Variants in PGBD2 observed in about 807,000 individuals in gnomAD.
PGBD2 encodes the protein piggyBac transposable element-derived protein 2.
Under a neutral mutation model 8.1 loss-of-function variants are expected in PGBD2, and 6 were observed. That is an observed-to-expected ratio of 0.74 (90% CI 0.40 to 1.46). The LOEUF (loss-of-function observed/expected upper bound fraction) is 1.46, where lower values mean the gene tolerates loss of function less well. Among genes scored for constraint, PGBD2 ranks in the 40% most tolerant of loss-of-function variants. The pLI, the probability that PGBD2 is intolerant of heterozygous loss-of-function variation, is 0.02. For synonymous variants in PGBD2, 318 were observed against 272.2 expected, an observed-to-expected ratio of 1.17 and a Z score of -1.66; for missense variants, 802 against 739.0, an observed-to-expected ratio of 1.09 and a Z score of -0.99.
In PGBD2 at chr1:248,917,397, T is replaced by C. The variant is rs1192175997; in HGVS notation, c.813T>C (p.Ser271=). Residue 271 remains serine, a synonymous_variant, in exon 3 of 3, where the codon TCT becomes TCC. Coordinates refer to ENST00000329291, the MANE Select transcript of PGBD2 (RefSeq NM_170725.3). ...PLEEFYSFGE[S]MCEYFGHRGS... is the part of the protein sequence containing the mutation. ...AAGAGTTCTACAGCTTTGGCGAGTCTATGTGTGAGTACTTTGGGCACCGGG... is the reference window on the plus strand; with the variant it reads ...AAGAGTTCTACAGCTTTGGCGAGTCCATGTGTGAGTACTTTGGGCACCGGG... 2 of 1,613,992 alleles carry C rather than the reference T, an allele frequency of 1.2e-6. No individual in the cohort carries two copies. Among genetic ancestry groups the C allele is most frequent in the Admixed American group, 1.7e-5 (1 of 59,998 alleles).
chr1:248,879,017 T>G, the PGBD2 span, among the ~76,000 whole-genome samples: 1 of 152,236 alleles, frequency 6.6e-6, no homozygotes, highest in East Asian at 1.9e-4. Context: ...TTTACATTGC[T>G]CACAATTAGC....
At chr1:248,911,425 G>A (rs1234475838) in intron 1 of PGBD2, among the ~76,000 whole-genome samples, 1 of 149,444 alleles carries the variant, frequency 6.7e-6, no homozygotes, top group Non-Finnish European at 1.5e-5. Flanking sequence ...AGAGAGCACA[G>A]GGTTGGGGGT....
At chr1:248,889,541 C>A in the PGBD2 span, among the ~76,000 whole-genome samples, 9 of 152,166 alleles carry the variant, frequency 5.9e-5, no homozygotes, top group African/African-American at 2.2e-4. Context: ...ACAAACACTG[C>A]AAGCTCCCTT....
At chr1:248,873,860 G>A in the PGBD2 span, among the ~76,000 whole-genome samples, 14 of 152,194 alleles carry the variant, frequency 9.2e-5, no homozygotes, top group Admixed American at 5.2e-4. Context: ...CGAGTGTCAG[G>A]ATGGCCGAGT....
chr1:248,907,470 A>G (rs765066324), intron 1 of PGBD2, among the ~76,000 whole-genome samples: 21 of 152,320 alleles, frequency 1.4e-4, no homozygotes, highest in Middle Eastern at 6.8e-3. Context: ...AATCCACCTC[A>G]GCACAGACGG....
chr1:248,920,683 G>T (rs1461379156), downstream of PGBD2, among the ~76,000 whole-genome samples: 2 of 152,118 alleles, frequency 1.3e-5, no homozygotes, highest in African/African-American at 4.8e-5. Flanking sequence ...TGGGTCAAAT[G>T]GTATTTCTAG....
chr1:248,908,567 G>A (rs188382647), intron 1 of PGBD2, among the ~76,000 whole-genome samples: 166 of 152,110 alleles, frequency 1.1e-3, no homozygotes, highest in African/African-American at 9.4e-4. Context: ...CCCTTTTGCC[G>A]TAGCCTTTTT....
the PGBD2 span, among the ~76,000 whole-genome samples, chr1:248,885,980 T>C: frequency 6.6e-6 from 1 of 152,184 alleles, no homozygotes; most frequent in Non-Finnish European, 1.5e-5. Context: ...ACCCTGTCAG[T>C]TTACTCCTCA....
intron 2 of PGBD2, among the ~76,000 whole-genome samples, chr1:248,916,401 T>TA (rs549517506): frequency 6.4e-4 from 95 of 148,548 alleles, no homozygotes; most frequent in African/African-American, 1.8e-3. Flanking sequence ...TGACTCCGTC[T>TA]AAAAAAAAAA....
the PGBD2 span, among the ~76,000 whole-genome samples, chr1:248,926,586 G>T: frequency 3.4e-4 from 52 of 152,290 alleles, no homozygotes. Flanking sequence ...CTGCATACCA[G>T]GTTCCAGAAA....
intron 2 of PGBD2, chr1:248,914,440 G>A (rs1662019328): frequency 7.8e-7 from 1 of 1,278,200 alleles, no homozygotes. Context: ...CCCATGCAGA[G>A]CTTGGATGAG....
At chr1:248,922,454 C>G (rs924371711), downstream of PGBD2, among the ~76,000 whole-genome samples, 1 of 152,182 alleles carries the variant, frequency 6.6e-6, no homozygotes, top group Non-Finnish European at 1.5e-5. Flanking sequence ...TTATTTCTTT[C>G]TCTTGCCTCA....
downstream of PGBD2, among the ~76,000 whole-genome samples, chr1:248,922,699 C>T (rs1296025591): frequency 6.6e-6 from 1 of 152,148 alleles, no homozygotes; most frequent in Admixed American, 6.5e-5. Flanking sequence ...GCCTTTTCTG[C>T]ATCTATAGAG....
upstream of PGBD2, among the ~76,000 whole-genome samples, chr1:248,904,921 C>G (rs969746469): frequency 4.6e-5 from 7 of 152,130 alleles, no homozygotes; most frequent in African/African-American, 1.7e-4. Flanking sequence ...GAGGGTTTTT[C>G]TCTTGTGCCT....
chr1:248,917,449 C>G lies in PGBD2; in HGVS notation c.865C>G (p.Pro289Ala), dbSNP rs1229746970. ...RGSKQLHRGK[P>A]VRLGYKIWCG... ...GTCCAAGCAGCTGCACAGGGGGAAGCCTGTGCGACTTGGCTACAAGATTTG... is the reference window on the plus strand; with the variant it reads ...GTCCAAGCAGCTGCACAGGGGGAAGGCTGTGCGACTTGGCTACAAGATTTG... The change falls in exon 3 of 3, where the codon CCT (proline) becomes GCT (alanine). Residue 289 changes from proline (P) to alanine (A), a missense_variant. Transcript: ENST00000329291. 3 of 1,613,956 alleles carry G rather than the reference C, an allele frequency of 1.9e-6. No homozygotes were observed. The highest frequency in any genetic ancestry group is 1.3e-5 in the African/African-American group (1 of 74,890).
At chr1:248,891,180 C>G in the PGBD2 span, among the ~76,000 whole-genome samples, 3 of 152,278 alleles carry the variant, frequency 2.0e-5, no homozygotes, top group East Asian at 5.8e-4. Context: ...TTTTGTCTTT[C>G]ATTTTATTTT....
chr1:248,887,933 C>G, the PGBD2 span, among the ~76,000 whole-genome samples: 1 of 152,292 alleles, frequency 6.6e-6, no homozygotes, highest in African/African-American at 2.4e-5. Context: ...TTTGGAGTCT[C>G]CAGTGTCTGT....
chr1:248,898,405 C>T, the PGBD2 span, among the ~76,000 whole-genome samples: 14 of 152,222 alleles, frequency 9.2e-5, no homozygotes, highest in Admixed American at 3.3e-4. Context: ...CCGCCCACCT[C>T]GGCCTCCCAA....
the PGBD2 span, among the ~76,000 whole-genome samples, chr1:248,874,425 T>C: frequency 6.6e-6 from 1 of 152,220 alleles, no homozygotes. Flanking sequence ...CCTGGTGTCC[T>C]CATTTTGCAG....
Sources: allele counts gnomAD v4.1 joint callset (sites outside exome capture counted in the v4.1 genomes callset), GRCh38; gene constraint gnomAD v4.1.1; transcripts MANE v1.5; gene names NCBI Gene and HGNC (gene_info 2026-07-23, HGNC 2026-07-21).